ACP3: variants seen among roughly 807,000 people sequenced by gnomAD.
ACP3 encodes prostatic acid phosphatase.
In ACP3, 38 loss-of-function variants were observed where a neutral mutation model predicts 45.6. The ratio of observed to expected loss-of-function variants is 0.83; its 90% CI spans 0.64 to 1.09. ACP3 has a LOEUF of 1.09. Ranked by LOEUF, ACP3 falls within the 50% of genes least tolerant of loss-of-function variation. The probability of loss-of-function intolerance (pLI) is 0.00; values close to 1 mark genes in which losing one functional copy is unlikely to be tolerated. For synonymous variants in ACP3, 162 were observed against 164.7 expected, an observed-to-expected ratio of 0.98 and a Z score of 0.13; for missense variants, 466 against 463.2, an observed-to-expected ratio of 1.01 and a Z score of -0.05.
intron 4 of ACP3, among the ~76,000 whole-genome samples, chr3:132,335,270 G>A (rs1937470368): frequency 6.6e-6 from 1 of 152,186 alleles, no homozygotes; most frequent in Admixed American, 6.5e-5. Context: ...TTGGGCACTT[G>A]CCTGACAGTA....
At position 132,331,072 on chromosome 3, in the gene ACP3, G is replaced by T. The variant is rs116421057; in HGVS notation, c.217-575G>T. Reference sequence around the variant, plus strand: ...TTGAGCACCACCCCCAAAGGTTCTGGTTCAGTAGGTCAAGGGTGGGGCCCA... The same window carrying T: ...TTGAGCACCACCCCCAAAGGTTCTGTTTCAGTAGGTCAAGGGTGGGGCCCA... On this transcript the variant is annotated intron_variant, in intron 2 of 9. Coordinates refer to ENST00000336375, the MANE Select transcript of ACP3 (RefSeq NM_001099.5). Among the ~76,000 whole-genome samples, 440 of 152,318 alleles carry T rather than the reference G, an allele frequency of 2.9e-3. 4 individuals carry two copies. Among genetic ancestry groups the T allele is most frequent in the African/African-American group, 9.6e-3 (400 of 41,560 alleles).
At chr3:132,349,835 G>C (rs560786356) in intron 7 of ACP3, 85 bp from the exon 8 acceptor site, 1 of 889,888 alleles carries the variant, frequency 1.1e-6, no homozygotes, top group Non-Finnish European at 1.8e-6. Flanking sequence ...GGGAGAGTCC[G>C]CAACTATGAA....
chr3:132,326,711 T>C (rs144321046), intron 1 of ACP3, among the ~76,000 whole-genome samples: 284 of 152,322 alleles, frequency 1.9e-3, no homozygotes, highest in Non-Finnish European at 2.7e-3. Context: ...CTGAGACTGT[T>C]TTCTTATTTA....
At chr3:132,358,955 G>T, downstream of ACP3, 1 of 896,830 alleles carries the variant, frequency 1.1e-6, no homozygotes, top group Non-Finnish European at 1.3e-6. Flanking sequence ...ATATAGTTTG[G>T]ACTTTACCAC....
chr3:132,334,241 G>A (rs1316737039), intron 4 of ACP3, among the ~76,000 whole-genome samples: 1 of 152,170 alleles, frequency 6.6e-6, no homozygotes, highest in East Asian at 1.9e-4. Context: ...CAGGGAGAGT[G>A]AGGGAGAGAA....
chr3:132,336,404 G>A (rs1937491208), intron 4 of ACP3, among the ~76,000 whole-genome samples: 1 of 152,134 alleles, frequency 6.6e-6, no homozygotes, highest in Non-Finnish European at 1.5e-5. Flanking sequence ...AGGACTGGGA[G>A]GGGACTATGA....
intron 4 of ACP3, among the ~76,000 whole-genome samples, chr3:132,336,216 C>T (rs1208984968): frequency 1.3e-5 from 2 of 152,046 alleles, no homozygotes; most frequent in South Asian, 2.1e-4. Context: ...GCCGAGATCG[C>T]GCCACTGCAC....
At chr3:132,366,572 G>A (rs868623171) in intron 10 of ACP3, among the ~76,000 whole-genome samples, 1 of 152,140 alleles carries the variant, frequency 6.6e-6, no homozygotes, top group Non-Finnish European at 1.5e-5. Flanking sequence ...ACTGAGAAGA[G>A]GGAAGGCTCT....
intron 4 of ACP3, among the ~76,000 whole-genome samples, chr3:132,335,153 A>G (rs1937468550): frequency 6.6e-6 from 1 of 152,174 alleles, no homozygotes; most frequent in Admixed American, 6.5e-5. Context: ...AATTTCTCCT[A>G]TGGAACAATT....
chr3:132,341,328 TA>T (rs1181507383), intron 5 of ACP3, among the ~76,000 whole-genome samples: 3 of 152,218 alleles, frequency 2.0e-5, no homozygotes, highest in African/African-American at 7.2e-5. Flanking sequence ...TGTATTTTTT[TA>T]AATCAATATT....
exon 11 of ACP3, chr3:132,368,044 G>A: frequency 2.2e-6 from 1 of 461,278 alleles, no homozygotes; most frequent in East Asian, 3.8e-5. Flanking sequence ...AGTGCAGGCT[G>A]CTTGTTCAGC....
At chr3:132,332,497 A>G (rs1443224848) in intron 4 of ACP3, 153 bp downstream of exon 4, 2 of 926,196 alleles carry the variant, frequency 2.2e-6, no homozygotes, top group Non-Finnish European at 1.6e-6. Context: ...AATTTAGGAC[A>G]TGGAAAACCC....
rs537094886 is a variant in ACP3 at position 132,319,346 on chromosome 3, T to C, written c.120+1770T>C. 5.9e-5 allele frequency among the ~76,000 whole-genome samples: 9 copies of C among 152,324 alleles called. No individual in the cohort carries two copies. In the South Asian group the frequency reaches 1.9e-3, roughly 32 times the overall value. ...TTTTAAAAGATGCCCATAACTAAAG[T>C]GGTAATATTAATGATAATAACCAAT... On this transcript the variant is annotated intron_variant, in intron 1 of 9. Coordinates refer to ENST00000336375, the MANE Select transcript of ACP3 (RefSeq NM_001099.5).
intron 1 of ACP3, among the ~76,000 whole-genome samples, 161 bp from the exon 2 acceptor site, chr3:132,328,106 G>A (rs933126737): frequency 6.6e-6 from 1 of 151,998 alleles, no homozygotes. Context: ...AATCACTAAG[G>A]TTGAAAGCCA....
rs931172714 is a variant in ACP3 at position 132,332,576 on chromosome 3, G to T, written c.456+232G>T. 6.3e-5 allele frequency: 30 copies of T among 477,188 alleles called. No individual in the cohort carries two copies. In the South Asian group the frequency reaches 8.2e-4, roughly 13 times the overall value. The allele number at this position is 477,188 out of a possible 1,614,324, so 29.6% of individuals were successfully genotyped here. On this transcript the variant is annotated intron_variant, in intron 4 of 9. Coordinates refer to ENST00000336375, the MANE Select transcript of ACP3 (RefSeq NM_001099.5). ...TGATCCACTTTGTTTTGCCACTCTT[G>T]CAACTCTTGGCAATTTGCCCCCTCA...
intron 4 of ACP3, among the ~76,000 whole-genome samples, chr3:132,336,749 A>G (rs1937497951): frequency 6.6e-6 from 1 of 152,118 alleles, no homozygotes; most frequent in South Asian, 2.1e-4. Flanking sequence ...AGGGAAAAAA[A>G]ATGCAAATTA....
chr3:132,367,868 T>C (rs1938156433), exon 11 of ACP3: 1 of 1,353,858 alleles, frequency 7.4e-7, no homozygotes, highest in Non-Finnish European at 1.1e-6. Flanking sequence ...ACACAGCATC[T>C]CTCAGTGGTG....
intron 4 of ACP3, 82 bp from the exon 5 acceptor site, chr3:132,337,374 T>A: frequency 1.2e-6 from 1 of 866,808 alleles, no homozygotes; most frequent in Non-Finnish European, 1.8e-6. Flanking sequence ...TTGAACCTAA[T>A]GAGGCTTAAA....
At chr3:132,355,119 G>A (rs963516850) in intron 9 of ACP3, among the ~76,000 whole-genome samples, 8 of 152,238 alleles carry the variant, frequency 5.3e-5, no homozygotes, top group African/African-American at 1.9e-4. Flanking sequence ...GGTTTCAAGA[G>A]TGCTGTGCTC....
Sources: gnomAD v4.1 joint callset for allele counts (sites outside exome capture counted in the v4.1 genomes callset) on GRCh38, gnomAD v4.1.1 for gene constraint, MANE v1.5 for transcripts, NCBI Gene and HGNC (gene_info 2026-07-23, HGNC 2026-07-21) for gene names.